The following PDE7B variants were observed in gnomAD, a reference collection of about 807,000 sequenced individuals.
The protein encoded by PDE7B is 3',5'-cyclic-AMP phosphodiesterase 7B.
In PDE7B, 29 loss-of-function variants were observed where a neutral mutation model predicts 56.2. The ratio of observed to expected loss-of-function variants is 0.52; its 90% CI spans 0.38 to 0.70. The LOEUF (loss-of-function observed/expected upper bound fraction) is 0.70, where lower values mean the gene tolerates loss of function less well. Ranked by LOEUF, PDE7B falls within the 30% of genes least tolerant of loss-of-function variation. The pLI is 0.00. For synonymous variants in PDE7B, 197 were observed against 196.9 expected (o/e 1.00, Z 0.00); for missense variants, 490 against 565.0 (o/e 0.87, Z 1.35).
chr6:136,060,489 G>A (rs1776819401), intron 2 of PDE7B, among the ~76,000 whole-genome samples: 1 of 152,152 alleles, frequency 6.6e-6, no homozygotes, highest in Admixed American at 6.5e-5. Context: ...GAGAAAAGGT[G>A]TAAATTACAA....
intron 2 of PDE7B, among the ~76,000 whole-genome samples, chr6:136,020,216 C>T (rs543484585): frequency 6.6e-6 from 1 of 152,104 alleles, no homozygotes; most frequent in East Asian, 1.9e-4. Context: ...GATAGTTGTT[C>T]AAATGGATGT....
intron 2 of PDE7B, among the ~76,000 whole-genome samples, chr6:136,106,774 A>C (rs1777650864): frequency 6.6e-6 from 1 of 152,230 alleles, no homozygotes; most frequent in South Asian, 2.1e-4. Context: ...GTTCAAGACA[A>C]CTGCCGAGGA....
intron 1 of PDE7B, among the ~76,000 whole-genome samples, chr6:135,946,396 T>C (rs922750322): frequency 3.9e-5 from 6 of 152,070 alleles, no homozygotes; most frequent in African/African-American, 1.4e-4. Context: ...TAAAGTTGTA[T>C]ATGAAATTTC....
At chr6:135,859,999 G>A (rs1317207269) in intron 1 of PDE7B, among the ~76,000 whole-genome samples, 1 of 152,002 alleles carries the variant, frequency 6.6e-6, no homozygotes, top group East Asian at 1.9e-4. Flanking sequence ...TCAAGTTCCA[G>A]ATGCTAAGAA....
chr6:136,038,228 A>AGC (rs1776359845), intron 2 of PDE7B: 1 of 1,300,284 alleles, frequency 7.7e-7, no homozygotes, highest in East Asian at 5.3e-5. Context: ...CAGCAGCAGC[A>AGC]ACAGCAGCAG....
chr6:135,964,940 G>C (rs895559195), intron 2 of PDE7B, among the ~76,000 whole-genome samples: 1 of 152,242 alleles, frequency 6.6e-6, no homozygotes, highest in Non-Finnish European at 1.5e-5. Context: ...TCAGGAGTTT[G>C]AGACCAGCCT....
At chr6:136,024,441 C>A (rs1776119026) in intron 2 of PDE7B, among the ~76,000 whole-genome samples, 1 of 152,130 alleles carries the variant, frequency 6.6e-6, no homozygotes, top group South Asian at 2.1e-4. Flanking sequence ...CTGACCACTT[C>A]CCACCAAACA....
At chr6:136,042,762 A>G (rs1314633153) in intron 2 of PDE7B, among the ~76,000 whole-genome samples, 1 of 152,252 alleles carries the variant, frequency 6.6e-6, no homozygotes, top group Non-Finnish European at 1.5e-5. Flanking sequence ...TATCAAGCAC[A>G]ATATAAATCA....
chr6:135,926,326 A>G (rs1398570406), intron 1 of PDE7B, among the ~76,000 whole-genome samples: 1 of 152,066 alleles, frequency 6.6e-6, no homozygotes, highest in African/African-American at 2.4e-5. Flanking sequence ...TGACCTCGTG[A>G]TCTGCCCACC....
chr6:135,908,743 G>C (rs951835473), intron 1 of PDE7B, among the ~76,000 whole-genome samples: 7 of 152,136 alleles, frequency 4.6e-5, no homozygotes, highest in Admixed American at 6.5e-5. Context: ...GTTCCCATTT[G>C]CAAAAAGTTC....
At chr6:136,156,341 C>T (rs1488956617) in intron 8 of PDE7B, among the ~76,000 whole-genome samples, 4 of 152,032 alleles carry the variant, frequency 2.6e-5, no homozygotes, top group Non-Finnish European at 2.9e-5. Context: ...AGGCACGTGC[C>T]GCCACACCTG....
chr6:136,029,013 G>A (rs1776195871), intron 2 of PDE7B, among the ~76,000 whole-genome samples: 1 of 152,164 alleles, frequency 6.6e-6, no homozygotes, highest in African/African-American at 2.4e-5. Flanking sequence ...ACAGGACTAG[G>A]TGAGTGGGAG....
At chr6:136,159,510 C>G (rs969973465) in intron 8 of PDE7B, among the ~76,000 whole-genome samples, 26 of 152,128 alleles carry the variant, frequency 1.7e-4, no homozygotes, top group African/African-American at 5.8e-4. Context: ...TTAAACAAGG[C>G]AGTGCTATCG....
intron 3 of PDE7B, among the ~76,000 whole-genome samples, chr6:136,114,283 T>C (rs555567595): frequency 2.0e-5 from 3 of 152,326 alleles, no homozygotes; most frequent in South Asian, 2.1e-4. Flanking sequence ...AACCAATATA[T>C]ACAAACATAT....
At chr6:135,905,400 A>G (rs1261580697) in intron 1 of PDE7B, among the ~76,000 whole-genome samples, 1 of 151,386 alleles carries the variant, frequency 6.6e-6, no homozygotes, top group African/African-American at 2.4e-5. Flanking sequence ...TTAATGGTTG[A>G]TAAGAAAATT....
intron 2 of PDE7B, among the ~76,000 whole-genome samples, chr6:136,071,041 G>T (rs114222532): frequency 0.013 from 1,955 of 152,144 alleles, 39 homozygotes; most frequent in African/African-American, 0.045. Flanking sequence ...CCAAACCCAC[G>T]CCTGGACCAA....
intron 8 of PDE7B, among the ~76,000 whole-genome samples, chr6:136,173,331 C>T (rs2128450183): frequency 6.6e-6 from 1 of 152,048 alleles, no homozygotes; most frequent in South Asian, 2.1e-4. Context: ...CAGAACAGAG[C>T]CCTCAGAAAT....
intron 2 of PDE7B, among the ~76,000 whole-genome samples, chr6:135,982,001 G>A (rs1458406985): frequency 2.6e-5 from 4 of 152,070 alleles, no homozygotes; most frequent in African/African-American, 9.7e-5. Flanking sequence ...GTCACTAGAC[G>A]ATAGGAACTT....
Position 136,143,534 on chromosome 6 carries a change from T to A in PDE7B, c.167-3817T>A, listed in dbSNP as rs1778364067. On this transcript the variant is annotated intron_variant, in intron 3 of 12. Transcript: ENST00000308191. ...AAAAAAAGTCATGAGAAACAATATA[T>A]CAAAAATTTAAATAAAGATCCAAAG... 2.6e-5 allele frequency among the ~76,000 whole-genome samples: 4 copies of A among 152,008 alleles called. 1 individual carries two copies. In the South Asian group the frequency reaches 6.2e-4, roughly 24 times the overall value.
Sources: gnomAD v4.1 joint callset for allele counts (sites outside exome capture counted in the v4.1 genomes callset) on GRCh38, gnomAD v4.1.1 for gene constraint, MANE v1.5 for transcripts, NCBI Gene and HGNC (gene_info 2026-07-23, HGNC 2026-07-21) for gene names.